Variants in ADAMTSL3 observed in about 807,000 individuals in gnomAD.
ADAMTSL3 encodes the protein ADAMTS-like protein 3.
Under a neutral mutation model 201.7 loss-of-function variants are expected in ADAMTSL3, and 128 were observed. The ratio of observed to expected loss-of-function variants is 0.63; its 90% CI spans 0.55 to 0.73. The LOEUF (loss-of-function observed/expected upper bound fraction) is 0.73, where lower values mean the gene tolerates loss of function less well. Ranked by LOEUF, ADAMTSL3 falls within the 30% of genes least tolerant of loss-of-function variation. The probability of loss-of-function intolerance (pLI) is 0.00; values close to 1 mark genes in which losing one functional copy is unlikely to be tolerated. For synonymous variants in ADAMTSL3, 738 were observed against 748.4 expected (o/e 0.99, Z 0.23); for missense variants, 1,990 against 2,119.6 (o/e 0.94, Z 1.20).
chr15:83,978,570 G>A lies in ADAMTSL3; in HGVS notation c.2645-3703G>A, dbSNP rs142823297. On this transcript the variant is annotated intron_variant, in intron 20 of 29. Coordinates refer to ENST00000286744, the MANE Select transcript of ADAMTSL3 (RefSeq NM_207517.3). ...GAGGAAGGTCACCCCAAACCAGACC[G>A]GTTTCTTGCCCAAGAACTATGTTTG... Among the ~76,000 whole-genome samples the A allele has an allele frequency of 1.8e-4, 27 of 152,306 alleles. No homozygotes were observed. The South Asian group carries it at 4.8e-3, about 27-fold the overall frequency.
intron 3 of ADAMTSL3, among the ~76,000 whole-genome samples, chr15:83,766,903 T>C (rs1392420203): frequency 6.6e-6 from 1 of 152,148 alleles, no homozygotes; most frequent in Non-Finnish European, 1.5e-5. Context: ...AAGACCAGCA[T>C]GGCCAACATG....
intron 2 of ADAMTSL3, among the ~76,000 whole-genome samples, chr15:83,673,506 C>CCT (rs1339439794): frequency 6.6e-6 from 1 of 152,060 alleles, no homozygotes; most frequent in Non-Finnish European, 1.5e-5. Context: ...GTCTGCTGAC[C>CCT]CTCTCTCATG....
At chr15:83,729,749 G>A (rs1258689171) in intron 3 of ADAMTSL3, among the ~76,000 whole-genome samples, 1 of 151,960 alleles carries the variant, frequency 6.6e-6, no homozygotes, top group Non-Finnish European at 1.5e-5. Context: ...CTCCAGAATT[G>A]GTCACTGGTG....
At position 83,922,175 on chromosome 15, in the gene ADAMTSL3, A is replaced by C. The variant is rs192310340; in HGVS notation, c.1988-1729A>C. 8.7e-4 allele frequency among the ~76,000 whole-genome samples: 132 copies of C among 152,312 alleles called. No homozygotes were observed. The East Asian group carries it at 0.022, about 25-fold the overall frequency. On this transcript the variant is annotated intron_variant, in intron 16 of 29. Transcript: ENST00000286744. Reference sequence around the variant, plus strand: ...CTTAATCAGATCTTTTAAGGTGAGAAGTGTCTAAGTAACATTGTAGGACCA... The same window carrying C: ...CTTAATCAGATCTTTTAAGGTGAGACGTGTCTAAGTAACATTGTAGGACCA...
intron 7 of ADAMTSL3, among the ~76,000 whole-genome samples, chr15:83,854,190 C>T (rs1380434429): frequency 3.3e-5 from 5 of 152,124 alleles, no homozygotes; most frequent in Non-Finnish European, 5.9e-5. Flanking sequence ...TCAAGGCTCA[C>T]TCATTGCATT....
intron 10 of ADAMTSL3, 52 bp from the exon 11 acceptor site, chr15:83,890,057 A>G: frequency 1.3e-6 from 2 of 1,565,392 alleles, no homozygotes; most frequent in African/African-American, 2.7e-5. Flanking sequence ...AACTCTGCCA[A>G]GTAAAAATGA....
chr15:83,937,128 T>G (rs1256893295), intron 17 of ADAMTSL3, among the ~76,000 whole-genome samples: 1 of 150,738 alleles, frequency 6.6e-6, no homozygotes, highest in Non-Finnish European at 1.5e-5. Context: ...CTTAAAAAAA[T>G]TACCGTTTGA....
intron 4 of ADAMTSL3, among the ~76,000 whole-genome samples, chr15:83,787,485 T>G (rs2063282890): frequency 6.6e-6 from 1 of 152,200 alleles, no homozygotes; most frequent in Non-Finnish European, 1.5e-5. Flanking sequence ...AAAACTATGT[T>G]GGGGAGTATG....
chr15:83,957,420 G>A (rs759371543), intron 19 of ADAMTSL3, among the ~76,000 whole-genome samples: 1 of 152,160 alleles, frequency 6.6e-6, no homozygotes, highest in Non-Finnish European at 1.5e-5. Context: ...GCTGCACTAT[G>A]GATAAGGTAT....
rs751112721 is a variant in ADAMTSL3 at position 84,025,289 on chromosome 15, C to G, written c.4509C>G (p.Tyr1503Ter). The G allele has an allele frequency of 6.2e-7, 1 of 1,613,682 alleles. No homozygotes were observed. Among genetic ancestry groups the G allele is most frequent in the South Asian group, 1.1e-5 (1 of 90,966 alleles). ...SQCSVSCGEG[Y>*]HSRQVTCKRT... ...GCTCTGTGTCTTGCGGTGAAGGATA[C>G]CACAGTCGGCAGGTGACGTGCAAGC... is the stretch of plus-strand genomic sequence containing the variant. The change falls in exon 27 of 30, where the codon TAC (tyrosine) becomes TAG (stop). Residue 1503 changes from tyrosine to a stop codon, truncating the protein, a stop_gained. Coordinates refer to ENST00000286744, the MANE Select transcript of ADAMTSL3 (RefSeq NM_207517.3). LOFTEE classifies it high-confidence loss of function.
intron 23 of ADAMTSL3, among the ~76,000 whole-genome samples, chr15:83,995,082 C>A (rs2141844823): frequency 6.6e-6 from 1 of 152,240 alleles, no homozygotes; most frequent in African/African-American, 2.4e-5. Flanking sequence ...CCCACAGTGG[C>A]CAGGCCTTCA....
chr15:84,001,469 C>T (rs1316560766), intron 23 of ADAMTSL3, among the ~76,000 whole-genome samples: 1 of 152,178 alleles, frequency 6.6e-6, no homozygotes, highest in African/African-American at 2.4e-5. Flanking sequence ...AACTCAGATA[C>T]ACACAGTTAC....
chr15:83,903,978 T>G (rs1010429573), intron 15 of ADAMTSL3, among the ~76,000 whole-genome samples: 12 of 130,296 alleles, frequency 9.2e-5, no homozygotes, highest in South Asian at 2.7e-4. Context: ...GAAAAGGAGC[T>G]ACAGTGAGGT....
At chr15:83,660,211 G>A (rs2061143752) in intron 2 of ADAMTSL3, among the ~76,000 whole-genome samples, 2 of 152,162 alleles carry the variant, frequency 1.3e-5, no homozygotes, top group African/African-American at 2.4e-5. Context: ...TGCCATTTGA[G>A]TATTGGTGGC....
chr15:83,913,192 G>A lies in ADAMTSL3; in HGVS notation c.1801G>A (p.Glu601Lys), dbSNP rs1185638497. Residue 601 changes from glutamate (E) to lysine (K), a missense_variant, in exon 16 of 30, where the codon GAG (glutamate) becomes AAG (lysine). Transcript: ENST00000286744. ...TGTGCTCCTCACATTCACGCAGACT[G>A]AGACTGAGCTGCCCGAGGAAGAGTG... ...CRVLLTFTQT[E>K]TELPEEECEG... 1 of 1,614,202 alleles carries A rather than the reference G, an allele frequency of 6.2e-7. No individual in the cohort carries two copies. The highest frequency in any genetic ancestry group is 1.7e-5 in the Admixed American group (1 of 60,024).
chr15:83,786,563 A>T (rs949437976), intron 4 of ADAMTSL3, among the ~76,000 whole-genome samples: 3 of 152,088 alleles, frequency 2.0e-5, no homozygotes, highest in African/African-American at 4.8e-5. Context: ...CTATTGAACT[A>T]TGTTTTTGTA....
At position 83,721,707 on chromosome 15, in the gene ADAMTSL3, A is replaced by G. The variant is rs145636279; in HGVS notation, c.189+17199A>G. Among the ~76,000 whole-genome samples, 944 of 152,206 alleles carry G rather than the reference A, an allele frequency of 6.2e-3. 11 individuals carry two copies. Among genetic ancestry groups the G allele is most frequent in the Non-Finnish European group, 7.0e-3 (474 of 67,994 alleles). On this transcript the variant is annotated intron_variant, in intron 3 of 29. Transcript: ENST00000286744. The stretch of plus-strand genomic sequence containing the variant: ...TTACAACAAGAAACCTAGGAAACAC[A>G]AGACACTAGCATATTTATGTGTTTT...
intron 20 of ADAMTSL3, among the ~76,000 whole-genome samples, chr15:83,974,876 A>T (rs985308933): frequency 1.3e-5 from 2 of 152,022 alleles, no homozygotes; most frequent in African/African-American, 4.8e-5. Context: ...GAACCCAGGC[A>T]TGCCCTATTT....
At chr15:83,779,021 G>C (rs977346441) in intron 4 of ADAMTSL3, among the ~76,000 whole-genome samples, 2 of 152,056 alleles carry the variant, frequency 1.3e-5, no homozygotes, top group Non-Finnish European at 2.9e-5. Flanking sequence ...AAGACGAAGG[G>C]TATTACTTAA....
Sources: gnomAD v4.1 joint callset for allele counts (sites outside exome capture counted in the v4.1 genomes callset) on GRCh38, gnomAD v4.1.1 for gene constraint, MANE v1.5 for transcripts, NCBI Gene and HGNC (gene_info 2026-07-23, HGNC 2026-07-21) for gene names.